The following KALRN variants were observed in gnomAD, a reference collection of about 807,000 sequenced individuals.
KALRN encodes the protein kalirin RhoGEF kinase, also known as kalirin.
In KALRN, 70 loss-of-function variants were observed where a neutral mutation model predicts 353.7. The ratio of observed to expected loss-of-function variants is 0.20; its 90% CI spans 0.16 to 0.24. KALRN has a LOEUF of 0.24. KALRN is among the 10% of genes least tolerant of loss of function. KALRN has a pLI of 1.00. For missense variants in KALRN, 2,791 were observed against 3,756.7 expected (o/e 0.74, Z 6.72); for synonymous variants, 1,391 against 1,434.8 (o/e 0.97, Z 0.69).
At chr3:124,650,975 T>C (rs200535997) in intron 38 of KALRN, 37 bp downstream of exon 38, 3 of 1,610,830 alleles carry the variant, frequency 1.9e-6, no homozygotes, top group African/African-American at 2.7e-5. Context: ...GTGGTGCACA[T>C]GTGAGTGCGG....
chr3:124,362,674 A>G (rs930369460), intron 10 of KALRN, among the ~76,000 whole-genome samples: 1 of 152,274 alleles, frequency 6.6e-6, no homozygotes, highest in African/African-American at 2.4e-5. Flanking sequence ...AGCCTCGGCA[A>G]TGCCAAATAT....
intron 45 of KALRN, among the ~76,000 whole-genome samples, chr3:124,664,498 C>T (rs2085370626): frequency 6.6e-6 from 1 of 151,888 alleles, no homozygotes; most frequent in Non-Finnish European, 1.5e-5. Flanking sequence ...GCAACCTCCG[C>T]CTCCTGGGTT....
intron 42 of KALRN, 129 bp downstream of exon 42, chr3:124,658,646 A>G: frequency 8.4e-6 from 6 of 717,722 alleles, no homozygotes; most frequent in Non-Finnish European, 1.5e-5. Flanking sequence ...CATTCATGGC[A>G]GGAATAGCTG....
chr3:124,407,155 C>A (rs1453797198), intron 13 of KALRN, among the ~76,000 whole-genome samples: 4 of 151,954 alleles, frequency 2.6e-5, no homozygotes, highest in African/African-American at 9.7e-5. Flanking sequence ...TTGGTTTCCT[C>A]ATTTGAGAAA....
chr3:124,667,779 C>G (rs750903873), intron 47 of KALRN, among the ~76,000 whole-genome samples: 4 of 152,014 alleles, frequency 2.6e-5, no homozygotes, highest in Non-Finnish European at 5.9e-5. Flanking sequence ...CTTGCAGGAG[C>G]TCCCTCATGG....
At chr3:124,560,632 C>T (rs549450087) in intron 33 of KALRN, among the ~76,000 whole-genome samples, 27 of 152,216 alleles carry the variant, frequency 1.8e-4, no homozygotes, top group African/African-American at 5.8e-4. Context: ...GAGACTGAAG[C>T]GGGAGGATCA....
chr3:124,585,989 C>T (rs2075139549), intron 34 of KALRN, among the ~76,000 whole-genome samples: 1 of 152,160 alleles, frequency 6.6e-6, no homozygotes, highest in Admixed American at 6.6e-5. Flanking sequence ...AATTTTCTAT[C>T]CTGAGCAGAT....
chr3:124,253,505 C>T (rs935779126), intron 3 of KALRN, among the ~76,000 whole-genome samples: 4 of 152,180 alleles, frequency 2.6e-5, no homozygotes, highest in East Asian at 3.8e-4. Context: ...AGACTCCTCC[C>T]GATCATTCCT....
chr3:124,489,040 A>T (rs753218202), intron 29 of KALRN, among the ~76,000 whole-genome samples: 2 of 152,204 alleles, frequency 1.3e-5, no homozygotes, highest in Admixed American at 6.5e-5. Context: ...AATTTGTTAG[A>T]TGAGTTAAGA....
At chr3:124,607,558 A>G (rs1320396369) in intron 34 of KALRN, among the ~76,000 whole-genome samples, 1 of 152,240 alleles carries the variant, frequency 6.6e-6, no homozygotes, top group African/African-American at 2.4e-5. Context: ...ACATACTTGT[A>G]GCCAATAATT....
intron 28 of KALRN, among the ~76,000 whole-genome samples, chr3:124,486,163 C>A (rs1311121609): frequency 6.6e-6 from 1 of 152,042 alleles, no homozygotes; most frequent in Non-Finnish European, 1.5e-5. Flanking sequence ...AAATGTGGAG[C>A]CTTCTCCTTA....
chr3:124,309,185 G>C (rs530883629), intron 6 of KALRN, among the ~76,000 whole-genome samples: 17 of 151,882 alleles, frequency 1.1e-4, no homozygotes, highest in Admixed American at 7.2e-4. Flanking sequence ...CCCAGGCCCA[G>C]ATGGCTTCAT....
chr3:124,550,093 A>G (rs7638222), intron 33 of KALRN, among the ~76,000 whole-genome samples: 20,531 of 152,188 alleles, frequency 0.13, 2,404 homozygotes, highest in African/African-American at 0.32. Flanking sequence ...ATGGAGAGGC[A>G]GGTGATGAAC....
intron 57 of KALRN, among the ~76,000 whole-genome samples, chr3:124,703,048 G>A (rs1477188952): frequency 6.6e-6 from 1 of 152,152 alleles, no homozygotes; most frequent in African/African-American, 2.4e-5. Context: ...CCCCCCGGAT[G>A]TATAAATAAA....
chr3:124,657,338 C>T (rs1465275518), intron 39 of KALRN, 110 bp from the exon 40 acceptor site: 20 of 719,608 alleles, frequency 2.8e-5, no homozygotes, highest in East Asian at 1.3e-4. Flanking sequence ...AGCATTTGTC[C>T]GCAAACTCAC....
intron 13 of KALRN, among the ~76,000 whole-genome samples, chr3:124,401,559 T>C (rs978483333): frequency 3.9e-5 from 6 of 152,182 alleles, no homozygotes; most frequent in African/African-American, 1.4e-4. Flanking sequence ...CTTTAGCCTT[T>C]GTATGTATAA....
chr3:124,400,063 G>C (rs1353359870), intron 13 of KALRN, among the ~76,000 whole-genome samples: 1 of 152,144 alleles, frequency 6.6e-6, no homozygotes, highest in Non-Finnish European at 1.5e-5. Flanking sequence ...TCTCTCTGGA[G>C]TTAGGGCTTC....
intron 29 of KALRN, among the ~76,000 whole-genome samples, chr3:124,489,134 CCGTCTCTACTAAAAATA>C (rs2062866660): frequency 6.6e-6 from 1 of 152,074 alleles, no homozygotes; most frequent in Admixed American, 6.6e-5. Context: ...TGGCGAAACC[CCGTCTCTACTAAAAATA>C]CAAAAATTAG....
intron 5 of KALRN, among the ~76,000 whole-genome samples, chr3:124,284,631 C>T (rs781536568): frequency 2.0e-5 from 3 of 152,104 alleles, no homozygotes; most frequent in Non-Finnish European, 2.9e-5. Context: ...CTCACTAGAC[C>T]GTGGCCTTGA....
Sources: allele counts gnomAD v4.1 joint callset (sites outside exome capture counted in the v4.1 genomes callset), GRCh38; gene constraint gnomAD v4.1.1; transcripts MANE v1.5; gene names NCBI Gene and HGNC (gene_info 2026-07-23, HGNC 2026-07-21).